STEAP3: variants seen among roughly 807,000 people sequenced by gnomAD.
The protein encoded by STEAP3 is metalloreductase STEAP3.
Under a neutral mutation model 34.9 loss-of-function variants are expected in STEAP3, and 35 were observed. The ratio of observed to expected loss-of-function variants is 1.00; its 90% CI spans 0.76 to 1.33. The LOEUF is 1.33. STEAP3 is among the 40% of genes most tolerant of loss of function. STEAP3 has a pLI of 0.00. For missense variants in STEAP3, 652 were observed against 667.6 expected (o/e 0.98, Z 0.26); for synonymous variants, 281 against 301.6 (o/e 0.93, Z 0.71).
At chr2:119,252,152 T>C (rs887076074) in intron 4 of STEAP3, among the ~76,000 whole-genome samples, 9 of 152,228 alleles carry the variant, frequency 5.9e-5, no homozygotes, top group African/African-American at 2.2e-4. Context: ...TTGCTGCCAC[T>C]AAGAACAACA....
intron 2 of STEAP3, chr2:119,244,815 A>G (rs1006701432): frequency 2.6e-5 from 4 of 152,236 alleles, no homozygotes; most frequent in East Asian, 1.9e-4. Context: ...CACCCACTCT[A>G]TCTTAGGGGC....
intron 1 of STEAP3, among the ~76,000 whole-genome samples, chr2:119,230,363 G>T (rs1408496590): frequency 6.6e-6 from 1 of 151,356 alleles, no homozygotes. Context: ...GGGTCTGTCT[G>T]TCTGTCTGTC....
Position 119,248,419 on chromosome 2 carries a change from G to C in STEAP3, c.1050+213G>C, listed in dbSNP as rs1044761378. 3.2e-5 allele frequency: 19 copies of C among 598,866 alleles called. No individual in the cohort carries two copies. In the Admixed American group the frequency reaches 3.5e-4, roughly 11 times the overall value. 37.1% of individuals were successfully genotyped at this position (598,866 alleles called of 1,614,324 possible). On this transcript the variant is annotated intron_variant, in intron 4 of 5. Transcript: ENST00000393110. The stretch of plus-strand genomic sequence containing the variant: ...GCAGATGAAAATTCCTGCCCCCATG[G>C]GTACAGCCCAGTTGGGGCAGACTTA...
At chr2:119,228,125 C>T (rs1250791875) in intron 1 of STEAP3, among the ~76,000 whole-genome samples, 2 of 152,158 alleles carry the variant, frequency 1.3e-5, no homozygotes, top group South Asian at 4.2e-4. Context: ...TCACCACAGC[C>T]GGCTGCTTCC....
At chr2:119,247,177 A>G (rs1204167217) in intron 3 of STEAP3, among the ~76,000 whole-genome samples, 2 of 152,070 alleles carry the variant, frequency 1.3e-5, no homozygotes, top group Non-Finnish European at 2.9e-5. Flanking sequence ...TGGCTTGTAG[A>G]AGGCCTTATG....
chr2:119,225,405 T>C (rs1184549525), intron 1 of STEAP3, among the ~76,000 whole-genome samples: 1 of 152,216 alleles, frequency 6.6e-6, no homozygotes, highest in East Asian at 1.9e-4. Context: ...AATGCTGGCC[T>C]CAGAGCCAGC....
chr2:119,263,026 C>T (rs911951717), intron 5 of STEAP3, 31 bp from the exon 6 acceptor site: 2 of 1,594,426 alleles, frequency 1.3e-6, no homozygotes, highest in Non-Finnish European at 1.7e-6. Flanking sequence ...CATCCCCTCG[C>T]CCTCACTCCA....
chr2:119,227,156 C>T (rs988823581), intron 1 of STEAP3, among the ~76,000 whole-genome samples: 9 of 152,104 alleles, frequency 5.9e-5, no homozygotes, highest in Non-Finnish European at 7.3e-5. Context: ...TGAGGAGACA[C>T]GGTGGCAGTA....
Position 119,263,379 on chromosome 2 carries a change from C to A in STEAP3, c.*41C>A, listed in dbSNP as rs779621353. 10 of 1,593,284 alleles carry A rather than the reference C, an allele frequency of 6.3e-6. No individual in the cohort carries two copies. Among genetic ancestry groups the A allele is most frequent in the Middle Eastern group, 3.3e-4 (2 of 6,054 alleles). ...CTCTGGACCCCGGGCACACGAGGGA[C>A]GGTGCCCTGAGCCCGTTAGGTTTTC... On this transcript the variant is annotated 3_prime_UTR_variant, in exon 6 of 6. Transcript: ENST00000393110.
Position 119,254,754 on chromosome 2 carries a change from G to C in STEAP3, c.1121G>C (p.Gly374Ala), listed in dbSNP as rs777591948. The C allele has an allele frequency of 6.2e-7, 1 of 1,614,152 alleles. No homozygotes were observed. The highest frequency in any genetic ancestry group is 8.5e-7 in the Non-Finnish European group (1 of 1,180,024). The change falls in exon 5 of 6, where the codon GGA becomes GCA. Residue 374 changes from glycine to alanine, a missense_variant. Gly to Ala is a moderately conservative substitution (Grantham distance 60). Coordinates refer to ENST00000393110, the MANE Select transcript of STEAP3 (RefSeq NM_182915.3). Reference sequence around the variant, plus strand: ...CGGATGGAGATCTACCTCTCCCTGGGAGTGCTGGCCCTCGGCACGTTGTCC... The same window carrying C: ...CGGATGGAGATCTACCTCTCCCTGGCAGTGCTGGCCCTCGGCACGTTGTCC... Reference protein sequence around the residue: ...VWRMEIYLSLGVLALGTLSLL... With the variant: ...VWRMEIYLSLAVLALGTLSLL...
chr2:119,256,351 TTTTA>T (rs1307973580), intron 5 of STEAP3, among the ~76,000 whole-genome samples: 1 of 152,044 alleles, frequency 6.6e-6, no homozygotes, highest in Non-Finnish European at 1.5e-5. Context: ...AGGGGAAGAA[TTTTA>T]TTTATCTGCC....
chr2:119,225,208 T>C (rs369652045), intron 1 of STEAP3, among the ~76,000 whole-genome samples: 1 of 152,334 alleles, frequency 6.6e-6, no homozygotes, highest in East Asian at 1.9e-4. Flanking sequence ...ACCCAGACTA[T>C]GTCTTACTCA....
intron 2 of STEAP3, among the ~76,000 whole-genome samples, chr2:119,237,864 CT>C (rs1677136478): frequency 6.6e-6 from 1 of 152,222 alleles, no homozygotes; most frequent in Admixed American, 6.5e-5. Flanking sequence ...CTGGCCACCA[CT>C]AATCTACTTT....
At chr2:119,233,155 T>G (rs1676997227) in intron 2 of STEAP3, among the ~76,000 whole-genome samples, 1 of 152,036 alleles carries the variant, frequency 6.6e-6, no homozygotes. Context: ...GGCAGAACCC[T>G]CCAAATGGTT....
At chr2:119,224,965 A>T (rs1678993480) in intron 1 of STEAP3, among the ~76,000 whole-genome samples, 1 of 152,166 alleles carries the variant, frequency 6.6e-6, no homozygotes, top group African/African-American at 2.4e-5. Context: ...GTAGAATTTG[A>T]ACCCAGAGTT....
At chr2:119,231,730 A>T (rs1676944013) in intron 2 of STEAP3, among the ~76,000 whole-genome samples, 1 of 152,106 alleles carries the variant, frequency 6.6e-6, no homozygotes, top group Non-Finnish European at 1.5e-5. Flanking sequence ...AAAGATAATA[A>T]TTTTTTAATG....
At chr2:119,247,301 T>G (rs940180088) in intron 3 of STEAP3, among the ~76,000 whole-genome samples, 37 of 152,212 alleles carry the variant, frequency 2.4e-4, no homozygotes, top group Non-Finnish European at 4.9e-4. Context: ...AAAACTCTTT[T>G]GCTGAGCGGC....
intron 5 of STEAP3, among the ~76,000 whole-genome samples, chr2:119,255,746 TA>T (rs56050427): frequency 3.7e-4 from 55 of 147,784 alleles, no homozygotes; most frequent in African/African-American, 9.9e-4. Context: ...CCTTGCCTCT[TA>T]AAAAAAAAAA....
chr2:119,249,952 C>T (rs919418455), intron 4 of STEAP3, among the ~76,000 whole-genome samples: 1 of 152,196 alleles, frequency 6.6e-6, no homozygotes, highest in Non-Finnish European at 1.5e-5. Context: ...GAGCTTCGTA[C>T]ACCACTGTGA....
Sources: gnomAD v4.1 joint callset for allele counts (sites outside exome capture counted in the v4.1 genomes callset) on GRCh38, gnomAD v4.1.1 for gene constraint, MANE v1.5 for transcripts, NCBI Gene and HGNC (gene_info 2026-07-23, HGNC 2026-07-21) for gene names.